Variants in DLGAP2 observed in about 807,000 individuals in gnomAD.
DLGAP2 encodes DLG associated protein 2.
Under a neutral mutation model 100.3 loss-of-function variants are expected in DLGAP2, and 26 were observed. The ratio of observed to expected loss-of-function variants is 0.26; its 90% CI spans 0.19 to 0.36. The LOEUF is 0.36. DLGAP2 is among the 10% of genes least tolerant of loss of function. The probability of loss-of-function intolerance (pLI) is 1.00; values close to 1 mark genes in which losing one functional copy is unlikely to be tolerated. For missense variants in DLGAP2, 1,858 were observed against 1,453.2 expected (o/e 1.28, Z -4.53); for synonymous variants, 886 against 630.1 (o/e 1.41, Z -6.08).
At chr8:1,095,833 G>C (rs572657286) in intron 2 of DLGAP2, among the ~76,000 whole-genome samples, 1 of 152,196 alleles carries the variant, frequency 6.6e-6, no homozygotes, top group Non-Finnish European at 1.5e-5. Context: ...ATTAGGAAGA[G>C]CTTATTTATT....
At chr8:1,155,255 T>G (rs780415954) in intron 2 of DLGAP2, among the ~76,000 whole-genome samples, 1 of 152,160 alleles carries the variant, frequency 6.6e-6, no homozygotes, top group Non-Finnish European at 1.5e-5. Flanking sequence ...TTGTCGCTTC[T>G]TCTTCTTGTG....
At chr8:1,491,693 C>T (rs780520281) in intron 3 of DLGAP2, among the ~76,000 whole-genome samples, 1 of 152,202 alleles carries the variant, frequency 6.6e-6, no homozygotes, top group African/African-American at 2.4e-5. Flanking sequence ...TTCATGCGAA[C>T]AATGTTCAAG....
rs577752302 is a variant in DLGAP2 at position 1,088,248 on chromosome 8, C to T, written c.74-170603C>T. ...ATTGCTTCTCCTTGGACCTCTGTGG[C>T]GTTTCATTAATGGACTTTAGAGCTA... On this transcript the variant is annotated intron_variant, in intron 2 of 14. Transcript: ENST00000637795. 4.6e-5 allele frequency among the ~76,000 whole-genome samples: 7 copies of T among 152,262 alleles called. No homozygotes were observed. In the East Asian group the frequency reaches 1.4e-3, roughly 29 times the overall value.
At chr8:1,459,752 CT>C (rs1410160501) in intron 3 of DLGAP2, among the ~76,000 whole-genome samples, 1 of 134,934 alleles carries the variant, frequency 7.4e-6, no homozygotes, top group Admixed American at 8.6e-5. Context: ...GTGGCACAAT[CT>C]TGGCTCACTG....
chr8:1,624,568 C>T (rs1436444703), intron 6 of DLGAP2, among the ~76,000 whole-genome samples: 1 of 151,818 alleles, frequency 6.6e-6, no homozygotes, highest in Non-Finnish European at 1.5e-5. Flanking sequence ...TGACATTTTG[C>T]CGCTCTGTTG....
At chr8:1,497,975 A>G (rs1468586054) in intron 3 of DLGAP2, among the ~76,000 whole-genome samples, 1 of 152,164 alleles carries the variant, frequency 6.6e-6, no homozygotes, top group Non-Finnish European at 1.5e-5. Context: ...TGGTCAAGAT[A>G]CAGCTTTTGG....
At chr8:1,533,350 A>C (rs1035713712) in intron 4 of DLGAP2, among the ~76,000 whole-genome samples, 13 of 151,872 alleles carry the variant, frequency 8.6e-5, no homozygotes, top group African/African-American at 2.2e-4. Flanking sequence ...TACAAACAAA[A>C]AAAAAATTAG....
At chr8:1,261,661 C>T (rs1473520347) in intron 3 of DLGAP2, among the ~76,000 whole-genome samples, 1 of 152,290 alleles carries the variant, frequency 6.6e-6, no homozygotes, top group Admixed American at 6.5e-5. Flanking sequence ...TTCAGATGTA[C>T]GAGTGCAGTT....
chr8:948,049 C>G (rs7001618), intron 2 of DLGAP2, among the ~76,000 whole-genome samples: 7,668 of 134,178 alleles, frequency 0.057, 642 homozygotes, highest in African/African-American at 0.19. Flanking sequence ...CGTCATGACC[C>G]CACCGCGTGT....
chr8:1,200,921 T>A (rs1797857943), intron 2 of DLGAP2, among the ~76,000 whole-genome samples: 1 of 152,142 alleles, frequency 6.6e-6, no homozygotes, highest in Non-Finnish European at 1.5e-5. Flanking sequence ...CTCCGGGCGG[T>A]GCGCGATTCA....
At chr8:955,764 G>A (rs1312540724) in intron 2 of DLGAP2, among the ~76,000 whole-genome samples, 2 of 152,078 alleles carry the variant, frequency 1.3e-5, no homozygotes, top group Admixed American at 6.6e-5. Context: ...GCAATCTTCC[G>A]GCTTGGGAAG....
chr8:1,183,328 A>T lies in DLGAP2; in HGVS notation c.74-75523A>T, dbSNP rs182876602. On this transcript the variant is annotated intron_variant, in intron 2 of 14. Transcript: ENST00000637795. ...AAATAACTACATGGGAAAACAGCCA[A>T]TTTGTAATTAGCCTAGCAATTATTT... Among the ~76,000 whole-genome samples, 374 of 152,318 alleles carry T rather than the reference A, an allele frequency of 2.5e-3. 4 individuals carry two copies. The highest frequency in any genetic ancestry group is 0.017 in the Admixed American group (266 of 15,306).
At chr8:1,001,277 A>G (rs956067697) in intron 2 of DLGAP2, among the ~76,000 whole-genome samples, 5 of 152,230 alleles carry the variant, frequency 3.3e-5, no homozygotes, top group Admixed American at 1.3e-4. Context: ...TGGCTCTGTC[A>G]GAAGCCTGAG....
intron 8 of DLGAP2, among the ~76,000 whole-genome samples, chr8:1,662,065 A>T (rs1240666750): frequency 1.3e-5 from 2 of 152,250 alleles, no homozygotes; most frequent in Non-Finnish European, 2.9e-5. Flanking sequence ...GGCTGCCGCA[A>T]AGGGTCTTCC....
chr8:749,090 T>C (rs1820724482), intron 1 of DLGAP2, among the ~76,000 whole-genome samples: 1 of 152,188 alleles, frequency 6.6e-6, no homozygotes, highest in Non-Finnish European at 1.5e-5. Flanking sequence ...GCCTTGACTT[T>C]CTGGGCTCAG....
chr8:1,184,308 C>T (rs1797453167), intron 2 of DLGAP2, among the ~76,000 whole-genome samples: 1 of 152,234 alleles, frequency 6.6e-6, no homozygotes, highest in African/African-American at 2.4e-5. Context: ...AAAGTGTACA[C>T]AGGTGCTCAG....
intron 8 of DLGAP2, among the ~76,000 whole-genome samples, chr8:1,655,152 A>G (rs1299735065): frequency 6.6e-6 from 1 of 152,192 alleles, no homozygotes; most frequent in African/African-American, 2.4e-5. Context: ...GGACCCACAT[A>G]ATTTCTTGTA....
intron 3 of DLGAP2, among the ~76,000 whole-genome samples, chr8:1,440,148 G>T (rs1797786453): frequency 6.6e-6 from 1 of 152,142 alleles, no homozygotes; most frequent in South Asian, 2.1e-4. Context: ...AGAAAAAAAG[G>T]AAGTCTGTTA....
intron 2 of DLGAP2, among the ~76,000 whole-genome samples, chr8:1,182,926 C>A (rs879591773): frequency 6.6e-6 from 1 of 152,080 alleles, no homozygotes; most frequent in African/African-American, 2.4e-5. Context: ...CACAGCCCTG[C>A]GGTGGCATGG....
Sources: allele counts gnomAD v4.1 joint callset (sites outside exome capture counted in the v4.1 genomes callset), GRCh38; gene constraint gnomAD v4.1.1; transcripts MANE v1.5; gene names NCBI Gene and HGNC (gene_info 2026-07-23, HGNC 2026-07-21).